Variants in URI1 observed in about 807,000 individuals in gnomAD.
URI1 encodes unconventional prefoldin RPB5 interactor 1.
A neutral mutation model predicts 60.2 loss-of-function variants in URI1; 39 were observed. The observed-to-expected ratio is 0.65, with a 90% CI of 0.50 to 0.85. The LOEUF (loss-of-function observed/expected upper bound fraction) is 0.85, where lower values mean the gene tolerates loss of function less well. URI1 is among the 40% of genes least tolerant of loss of function. The pLI is 0.00. For synonymous variants in URI1, 251 were observed against 236.8 expected, an observed-to-expected ratio of 1.06 and a Z score of -0.55; for missense variants, 691 against 665.9, an observed-to-expected ratio of 1.04 and a Z score of -0.42.
intron 8 of URI1, among the ~76,000 whole-genome samples, chr19:30,010,529 A>T (rs2056004156): frequency 6.6e-6 from 1 of 152,204 alleles, no homozygotes; most frequent in Non-Finnish European, 1.5e-5. Flanking sequence ...TACAGGTAAT[A>T]GTGGTCATTA....
intron 1 of URI1, among the ~76,000 whole-genome samples, chr19:29,959,020 C>T (rs941903604): frequency 1.3e-5 from 2 of 151,886 alleles, no homozygotes; most frequent in African/African-American, 2.4e-5. Context: ...CTTGTAATGT[C>T]GACGTAAGGA....
chr19:29,924,245 C>T (rs1005128363), intron 1 of URI1, among the ~76,000 whole-genome samples: 3 of 152,118 alleles, frequency 2.0e-5, no homozygotes, highest in Admixed American at 6.6e-5. Flanking sequence ...TAATGTTGCA[C>T]CTGCTATCTG....
At chr19:29,938,041 G>C (rs1746140391), upstream of URI1, 1 of 152,154 alleles carries the variant, frequency 6.6e-6, no homozygotes, top group South Asian at 2.1e-4. Context: ...ATCTTTAGTA[G>C]AGATGGGGTT....
At chr19:29,927,722 G>A (rs891523743) in intron 1 of URI1, among the ~76,000 whole-genome samples, 12 of 151,550 alleles carry the variant, frequency 7.9e-5, no homozygotes, top group Non-Finnish European at 1.3e-4. Flanking sequence ...GATTACAGAC[G>A]CCTGCCATCA....
At chr19:29,961,372 T>C (rs1193585947) in intron 1 of URI1, among the ~76,000 whole-genome samples, 1 of 152,038 alleles carries the variant, frequency 6.6e-6, no homozygotes, top group Non-Finnish European at 1.5e-5. Flanking sequence ...TCTATGAATT[T>C]GATTACTCTA....
intron 4 of URI1, chr19:30,004,271 G>T (rs1335140724): frequency 6.6e-6 from 1 of 151,984 alleles, no homozygotes; most frequent in Admixed American, 6.6e-5. Flanking sequence ...GAGCATAAGT[G>T]ATTGTGTTTT....
At chr19:29,974,239 G>A (rs969378050) in intron 2 of URI1, among the ~76,000 whole-genome samples, 4 of 151,750 alleles carry the variant, frequency 2.6e-5, no homozygotes, top group Non-Finnish European at 4.4e-5. Flanking sequence ...CACCCTGCCC[G>A]GCACTCAATA....
rs750379082 is a variant in URI1, at chr19:30,012,608, A to C, written c.1425+77A>C. 3 of 1,501,970 alleles carry C rather than the reference A, an allele frequency of 2.0e-6. No individual in the cohort carries two copies. The African/African-American group carries it at 4.2e-5, about 21-fold the overall frequency. The allele number at this position is 1,501,970 out of a possible 1,614,324, so 93.0% of individuals were successfully genotyped here. ...TTTTAGCTATTTAATCTGAAAAGTC[A>C]TAAGATTAAATTAATTCTAGGTTTT... On this transcript the variant is annotated intron_variant, in intron 10 of 10. Transcript: ENST00000392271.
chr19:29,999,684 G>T (rs1350567503), intron 4 of URI1, among the ~76,000 whole-genome samples: 1 of 151,950 alleles, frequency 6.6e-6, no homozygotes, highest in East Asian at 1.9e-4. Flanking sequence ...ATTTCGTTGA[G>T]CTTCTTGGAT....
chr19:29,927,261 CTT>C (rs5827680), intron 1 of URI1, among the ~76,000 whole-genome samples: 1,843 of 124,814 alleles, frequency 0.015, 31 homozygotes, highest in African/African-American at 0.044. Flanking sequence ...TTTCATCCCT[CTT>C]TTTTTTTTTT....
At chr19:29,924,947 T>C (rs974549005) in intron 1 of URI1, among the ~76,000 whole-genome samples, 1 of 152,240 alleles carries the variant, frequency 6.6e-6, no homozygotes, top group Non-Finnish European at 1.5e-5. Context: ...GTGGTTCTCC[T>C]GCCTCAGCCT....
At chr19:29,994,996 G>T (rs1201659545) in intron 4 of URI1, among the ~76,000 whole-genome samples, 1 of 152,060 alleles carries the variant, frequency 6.6e-6, no homozygotes, top group Non-Finnish European at 1.5e-5. Context: ...TGGCCAGGCT[G>T]ATCTTGAACT....
At chr19:29,939,768 A>C (rs1488650583), upstream of URI1, among the ~76,000 whole-genome samples, 2 of 152,236 alleles carry the variant, frequency 1.3e-5, no homozygotes, top group African/African-American at 4.8e-5. Flanking sequence ...TTGCAGGCAG[A>C]GAGATCAGCA....
intron 2 of URI1, among the ~76,000 whole-genome samples, chr19:29,979,958 C>T (rs1405925561): frequency 6.6e-6 from 1 of 152,026 alleles, no homozygotes; most frequent in Admixed American, 6.6e-5. Flanking sequence ...CTTTTCCCAC[C>T]AAATTGCATA....
At chr19:29,957,536 A>G (rs554707536) in intron 1 of URI1, among the ~76,000 whole-genome samples, 1 of 152,184 alleles carries the variant, frequency 6.6e-6, no homozygotes, top group Non-Finnish European at 1.5e-5. Context: ...TTACTATTTT[A>G]GCTTTATAAT....
intron 1 of URI1, chr19:29,956,276 C>A (rs1352876741): frequency 1.3e-6 from 1 of 764,716 alleles, no homozygotes; most frequent in African/African-American, 1.8e-5. Context: ...GCGCCTGGCC[C>A]AGAGTAGTCT....
chr19:29,941,942 TGCC>T (rs1384281250), upstream of URI1, among the ~76,000 whole-genome samples: 6 of 150,674 alleles, frequency 4.0e-5, 1 homozygote, highest in Middle Eastern at 6.5e-3. Context: ...CGGCTCTTGT[TGCC>T]GAGCGTTTCC....
chr19:29,983,892 A>G (rs952957514), intron 2 of URI1, among the ~76,000 whole-genome samples: 2 of 152,200 alleles, frequency 1.3e-5, no homozygotes, highest in African/African-American at 2.4e-5. Context: ...GCTCTGTTTG[A>G]TGTAACAAGA....
intron 4 of URI1, among the ~76,000 whole-genome samples, chr19:29,996,536 T>G (rs1457049245): frequency 2.6e-5 from 4 of 152,034 alleles, no homozygotes; most frequent in African/African-American, 9.7e-5. Flanking sequence ...CATATAAGAT[T>G]GTATCATATG....
Sources: gnomAD v4.1 joint callset for allele counts (sites outside exome capture counted in the v4.1 genomes callset) on GRCh38, gnomAD v4.1.1 for gene constraint, MANE v1.5 for transcripts, NCBI Gene and HGNC (gene_info 2026-07-23, HGNC 2026-07-21) for gene names.